PCDH15: variants seen among roughly 807,000 people sequenced by gnomAD.
PCDH15 encodes protocadherin related 15.
PCDH15 carries 129 observed loss-of-function variants against 178.5 expected under a neutral mutation model. The observed-to-expected ratio is 0.72, with a 90% CI of 0.63 to 0.84. The LOEUF (loss-of-function observed/expected upper bound fraction) is 0.84. PCDH15 is among the 40% of genes least tolerant of loss of function. PCDH15 has a pLI of 0.00. For missense variants in PCDH15, 2,230 were observed against 2,099.9 expected, an observed-to-expected ratio of 1.06 and a Z score of -1.21; for synonymous variants, 800 against 732.0, an observed-to-expected ratio of 1.09 and a Z score of -1.50.
chr10:54,488,617 C>A (rs771664571), intron 3 of PCDH15, among the ~76,000 whole-genome samples: 29 of 151,700 alleles, frequency 1.9e-4, no homozygotes, highest in Non-Finnish European at 8.8e-5. Flanking sequence ...TCAGTACTGG[C>A]AGATAAGAAG....
At chr10:55,569,980 A>G (rs1256837522) in intron 2 of PCDH15, among the ~76,000 whole-genome samples, 1 of 151,972 alleles carries the variant, frequency 6.6e-6, no homozygotes, top group Non-Finnish European at 1.5e-5. Flanking sequence ...TCCCTACATA[A>G]TGCAAAAACA....
At chr10:55,245,174 T>C (rs1324843818) in intron 1 of PCDH15, among the ~76,000 whole-genome samples, 1 of 152,154 alleles carries the variant, frequency 6.6e-6, no homozygotes, top group Non-Finnish European at 1.5e-5. Flanking sequence ...TAGAAGTTAC[T>C]GCTTCAGTTC....
At chr10:54,775,321 C>A (rs1161564608) in intron 1 of PCDH15, among the ~76,000 whole-genome samples, 2 of 152,070 alleles carry the variant, frequency 1.3e-5, no homozygotes, top group African/African-American at 4.8e-5. Context: ...AATGAAATTG[C>A]TTGATCAACT....
intron 2 of PCDH15, among the ~76,000 whole-genome samples, chr10:55,099,749 G>T (rs1445678568): frequency 2.0e-5 from 3 of 151,830 alleles, no homozygotes; most frequent in African/African-American, 7.3e-5. Flanking sequence ...GAAGTAACAA[G>T]CAAGAGAAGA....
intron 21 of PCDH15, among the ~76,000 whole-genome samples, chr10:53,986,671 G>T (rs7912757): frequency 1.7e-3 from 263 of 152,314 alleles, no homozygotes; most frequent in African/African-American, 5.6e-3. Flanking sequence ...ACTGCCATTT[G>T]TAACAATGTG....
At position 54,753,978 on chromosome 10, in the gene PCDH15, T is replaced by TC. The variant is rs1322728208; in HGVS notation, c.-29+46946_-29+46947insG. Among the ~76,000 whole-genome samples the TC allele has an allele frequency of 1.3e-3, 171 of 133,938 alleles. 3 individuals are homozygous for TC. The highest frequency in any genetic ancestry group is 1.1e-3 in the Non-Finnish European group (68 of 61,520). The allele number at this position is 133,938 out of a possible 152,430, so 87.9% of individuals were successfully genotyped here. On this transcript the variant is annotated intron_variant, in intron 1 of 37. Transcript: ENST00000644397. ...GCGCCGCCACCACGGCCGGCTGATT[T>TC]TTTTTTTTTATTATTATTATTTTTT...
chr10:55,197,130 A>C (rs2132153751), intron 1 of PCDH15, among the ~76,000 whole-genome samples: 1 of 152,152 alleles, frequency 6.6e-6, no homozygotes, highest in African/African-American at 2.4e-5. Flanking sequence ...AATTTTATTT[A>C]GCTTAAATTC....
chr10:54,291,903 T>C (rs1441803651), intron 8 of PCDH15, among the ~76,000 whole-genome samples: 1 of 152,098 alleles, frequency 6.6e-6, no homozygotes, highest in African/African-American at 2.4e-5. Context: ...CGAAGAGGAC[T>C]TGGAACCATT....
chr10:53,953,264 C>A (rs1055509798), intron 23 of PCDH15, among the ~76,000 whole-genome samples: 4 of 152,240 alleles, frequency 2.6e-5, no homozygotes, highest in African/African-American at 9.6e-5. Flanking sequence ...CTGGATAGAA[C>A]AATTGATCAT....
At chr10:54,167,168 G>A (rs1590907972) in intron 13 of PCDH15, among the ~76,000 whole-genome samples, 4 of 152,262 alleles carry the variant, frequency 2.6e-5, no homozygotes, top group Admixed American at 2.6e-4. Context: ...TCCCTTGGGA[G>A]ATCAATCCCC....
intron 26 of PCDH15, among the ~76,000 whole-genome samples, chr10:53,888,330 ATGTACG>A (rs2081283264): frequency 2.2e-5 from 2 of 93,022 alleles, no homozygotes; most frequent in Non-Finnish European, 4.4e-5. Context: ...ACGTATATAT[ATGTACG>A]TATATATATA....
At chr10:55,388,458 G>A (rs1837713257) in intron 2 of PCDH15, among the ~76,000 whole-genome samples, 1 of 151,934 alleles carries the variant, frequency 6.6e-6, no homozygotes, top group African/African-American at 2.4e-5. Flanking sequence ...TTTGTTCTGT[G>A]CTCCACTGAG....
chr10:53,806,350 C>CGAT lies in PCDH15; in HGVS notation c.*226_*228dup. 6.8e-6 allele frequency: 3 copies of CGAT among 440,944 alleles called. No homozygotes were observed. The East Asian group carries it at 1.1e-4, about 16-fold the overall frequency. 27.3% of individuals were successfully genotyped at this position (440,944 alleles called of 1,614,324 possible). A position where few individuals can be genotyped will look rare whatever the true frequency, so the allele number is the denominator to read the frequency against. ...CCAACAAAACAGCTAAATGTTTAAA[C>CGAT]GATAGGTTATTTAGTGAAAGTATGT... On this transcript the variant is annotated 3_prime_UTR_variant, in exon 38 of 38. Transcript: ENST00000644397.
intron 1 of PCDH15, among the ~76,000 whole-genome samples, chr10:54,726,895 G>A (rs1942622916): frequency 6.6e-6 from 1 of 151,098 alleles, no homozygotes; most frequent in Non-Finnish European, 1.5e-5. Flanking sequence ...AAATCTCTGA[G>A]AAATATGGGA....
At chr10:55,139,531 C>G (rs1838291022) in intron 2 of PCDH15, among the ~76,000 whole-genome samples, 1 of 152,028 alleles carries the variant, frequency 6.6e-6, no homozygotes, top group Admixed American at 6.6e-5. Context: ...TGTTTCCACA[C>G]CATTTGTTGA....
At chr10:54,624,643 G>A (rs1375532780) in intron 2 of PCDH15, among the ~76,000 whole-genome samples, 2 of 152,304 alleles carry the variant, frequency 1.3e-5, no homozygotes, top group Non-Finnish European at 1.5e-5. Flanking sequence ...TGCATAGCAG[G>A]AGGCGAATGG....
chr10:55,202,380 T>C (rs1280646392), intron 1 of PCDH15, among the ~76,000 whole-genome samples: 1 of 152,096 alleles, frequency 6.6e-6, no homozygotes, highest in Non-Finnish European at 1.5e-5. Flanking sequence ...TTTTAAACCA[T>C]GTGTTGTGCA....
chr10:54,352,506 T>G (rs1408874161), intron 5 of PCDH15, among the ~76,000 whole-genome samples: 1 of 152,132 alleles, frequency 6.6e-6, no homozygotes, highest in Non-Finnish European at 1.5e-5. Flanking sequence ...ATGGAGAATA[T>G]CTGAAGGATA....
chr10:55,609,673 G>GA (rs1363488444), intron 2 of PCDH15, among the ~76,000 whole-genome samples: 1 of 152,038 alleles, frequency 6.6e-6, no homozygotes, highest in East Asian at 1.9e-4. Flanking sequence ...TCAAAAATCT[G>GA]AAAAAAATCA....
Sources: gnomAD v4.1 joint callset for allele counts (sites outside exome capture counted in the v4.1 genomes callset) on GRCh38, gnomAD v4.1.1 for gene constraint, MANE v1.5 for transcripts, NCBI Gene and HGNC (gene_info 2026-07-23, HGNC 2026-07-21) for gene names.